Variants in DPYD observed in about 807,000 individuals in gnomAD.
The protein encoded by DPYD is dihydropyrimidine dehydrogenase, also known as dihydropyrimidine dehydrogenase [NADP(+)].
DPYD carries 109 observed loss-of-function variants against 116.2 expected under a neutral mutation model. The ratio of observed to expected loss-of-function variants is 0.94; its 90% CI spans 0.80 to 1.10. The LOEUF (loss-of-function observed/expected upper bound fraction) is 1.10. DPYD is among the 50% of genes least tolerant of loss of function. DPYD has a pLI of 0.00. For missense variants in DPYD, 1,302 were observed against 1,254.5 expected, an observed-to-expected ratio of 1.04 and a Z score of -0.57; for synonymous variants, 440 against 432.0, an observed-to-expected ratio of 1.02 and a Z score of -0.23.
At chr1:97,689,326 T>C (rs1392166107) in intron 7 of DPYD, among the ~76,000 whole-genome samples, 1 of 152,024 alleles carries the variant, frequency 6.6e-6, no homozygotes, top group Non-Finnish European at 1.5e-5. Flanking sequence ...CAGGTTATGT[T>C]ATTTGGATGA....
intron 18 of DPYD, among the ~76,000 whole-genome samples, chr1:97,235,778 C>G (rs1032409418): frequency 6.6e-6 from 1 of 152,010 alleles, no homozygotes; most frequent in Non-Finnish European, 1.5e-5. Context: ...AGGCAAGGTG[C>G]TGATGAACTT....
At chr1:97,287,918 A>C (rs1337725646) in intron 18 of DPYD, among the ~76,000 whole-genome samples, 1 of 152,050 alleles carries the variant, frequency 6.6e-6, no homozygotes, top group Non-Finnish European at 1.5e-5. Context: ...AAGTCCCATC[A>C]GTGTGCTGTA....
intron 10 of DPYD, among the ~76,000 whole-genome samples, chr1:97,579,127 A>T (rs1458577939): frequency 6.6e-6 from 1 of 152,228 alleles, no homozygotes; most frequent in Non-Finnish European, 1.5e-5. Context: ...ACATTAAGAT[A>T]GACACCCAGC....
chr1:97,693,220 G>A (rs1490055598), intron 6 of DPYD, among the ~76,000 whole-genome samples: 2 of 149,394 alleles, frequency 1.3e-5, no homozygotes, highest in African/African-American at 5.0e-5. Flanking sequence ...GAACCCGGGA[G>A]GTGGAGCTTG....
chr1:97,616,083 T>A (rs1468015519), intron 8 of DPYD, among the ~76,000 whole-genome samples: 1 of 152,116 alleles, frequency 6.6e-6, no homozygotes, highest in African/African-American at 2.4e-5. Context: ...CTCTTCATTA[T>A]CCTTACACCC....
intron 8 of DPYD, among the ~76,000 whole-genome samples, chr1:97,598,137 A>G (rs1314986972): frequency 6.6e-6 from 1 of 152,164 alleles, no homozygotes; most frequent in Non-Finnish European, 1.5e-5. Context: ...CATGGCAAGG[A>G]AAGAATAAAA....
intron 2 of DPYD, among the ~76,000 whole-genome samples, chr1:97,865,980 C>T (rs953035943): frequency 1.7e-4 from 26 of 151,970 alleles, no homozygotes; most frequent in Non-Finnish European, 3.4e-4. Flanking sequence ...AATTCCCTAC[C>T]CTCTAGTAAC....
At chr1:97,198,423 A>G (rs960239545) in intron 19 of DPYD, among the ~76,000 whole-genome samples, 1 of 152,254 alleles carries the variant, frequency 6.6e-6, no homozygotes, top group African/African-American at 2.4e-5. Flanking sequence ...TTTGCTGATT[A>G]AATACTAATA....
At chr1:97,839,387 T>C (rs1169991159) in intron 2 of DPYD, among the ~76,000 whole-genome samples, 1 of 152,208 alleles carries the variant, frequency 6.6e-6, no homozygotes, top group African/African-American at 2.4e-5. Flanking sequence ...TCTATAGTTT[T>C]CCATGCTCAC....
chr1:97,302,723 A>AG (rs1666934141), intron 18 of DPYD, among the ~76,000 whole-genome samples: 1 of 152,016 alleles, frequency 6.6e-6, no homozygotes, highest in Non-Finnish European at 1.5e-5. Flanking sequence ...GGCATATATA[A>AG]GTGTATATTA....
chr1:97,681,107 C>A (rs1660406805), intron 7 of DPYD, among the ~76,000 whole-genome samples: 1 of 152,074 alleles, frequency 6.6e-6, no homozygotes, highest in Admixed American at 6.6e-5. Flanking sequence ...CATTTAATCC[C>A]CACAGCAGCC....
At chr1:97,745,319 T>C (rs991067803) in intron 3 of DPYD, among the ~76,000 whole-genome samples, 8 of 152,122 alleles carry the variant, frequency 5.3e-5, no homozygotes, top group African/African-American at 1.9e-4. Flanking sequence ...TTTGAGGCTT[T>C]TGATATTTAT....
In DPYD at chr1:97,370,084, C is replaced by T. The variant is rs138600860; in HGVS notation, c.2058+3477G>A. On this transcript the variant is annotated intron_variant, in intron 16 of 22. Coordinates refer to ENST00000370192, the MANE Select transcript of DPYD (RefSeq NM_000110.4). ...TGTAAATAGTGCTGCAATAAACATA[C>T]GTGTGCATGTGTCTTTATAGTAAAA... Among the ~76,000 whole-genome samples, 12 of 152,228 alleles carry T rather than the reference C, an allele frequency of 7.9e-5. No homozygotes were observed. In the East Asian group the frequency reaches 1.4e-3, roughly 17 times the overall value.
intron 10 of DPYD, among the ~76,000 whole-genome samples, chr1:97,579,267 T>C (rs1653476133): frequency 6.6e-6 from 1 of 152,232 alleles, no homozygotes; most frequent in Non-Finnish European, 1.5e-5. Flanking sequence ...ACAGTAGACC[T>C]TGAATACAGT....
intron 20 of DPYD, among the ~76,000 whole-genome samples, chr1:97,128,390 G>A (rs1449777573): frequency 3.9e-5 from 6 of 152,002 alleles, no homozygotes; most frequent in Admixed American, 1.3e-4. Flanking sequence ...CAAGAGTTCC[G>A]GGTTTTTATG....
chr1:97,393,302 A>T (rs59353118), intron 14 of DPYD, among the ~76,000 whole-genome samples: 28,703 of 150,136 alleles, frequency 0.19, 2,846 homozygotes, highest in South Asian at 0.37. Context: ...TTTTTTTTTT[A>T]AATTATTATA....
intron 4 of DPYD, among the ~76,000 whole-genome samples, chr1:97,735,105 G>A (rs1023164254): frequency 1.3e-5 from 2 of 152,162 alleles, no homozygotes; most frequent in South Asian, 2.1e-4. Flanking sequence ...GTTTAAGGTG[G>A]TCCCAGAGGA....
At chr1:97,519,441 C>T (rs912399331) in intron 12 of DPYD, among the ~76,000 whole-genome samples, 1 of 152,130 alleles carries the variant, frequency 6.6e-6, no homozygotes, top group Non-Finnish European at 1.5e-5. Flanking sequence ...GTCCCTCCCA[C>T]AACACATGGG....
chr1:97,673,103 AT>A lies in DPYD; in HGVS notation c.850+5991del, dbSNP rs1394078473. 7.5e-4 allele frequency among the ~76,000 whole-genome samples: 110 copies of A among 146,434 alleles called. 1 individual carries two copies. The highest frequency in any genetic ancestry group is 1.1e-3 in the Admixed American group (16 of 14,626). On this transcript the variant is annotated intron_variant, in intron 8 of 22. Coordinates refer to ENST00000370192, the MANE Select transcript of DPYD (RefSeq NM_000110.4). ...TGAAGTATGGATATTTGCACTTGTT[AT>A]TTTTTTTTTTACTTTCTTTATAAAA...
Sources: gnomAD v4.1 joint callset for allele counts (sites outside exome capture counted in the v4.1 genomes callset) on GRCh38, gnomAD v4.1.1 for gene constraint, MANE v1.5 for transcripts, NCBI Gene and HGNC (gene_info 2026-07-23, HGNC 2026-07-21) for gene names.